NAPEPLD: variants seen among roughly 807,000 people sequenced by gnomAD.
NAPEPLD encodes the protein N-acyl phosphatidylethanolamine phospholipase D, also known as N-acyl-phosphatidylethanolamine-hydrolyzing phospholipase D.
A neutral mutation model predicts 38.1 loss-of-function variants in NAPEPLD; 23 were observed. That is an observed-to-expected ratio of 0.60 (90% CI 0.43 to 0.86). NAPEPLD has a LOEUF of 0.86. Among genes scored for constraint, NAPEPLD ranks in the 40% least tolerant of loss-of-function variants. The probability of loss-of-function intolerance (pLI) is 0.00; values close to 1 mark genes in which losing one functional copy is unlikely to be tolerated. For synonymous variants in NAPEPLD, 147 were observed against 162.0 expected (o/e 0.91, Z 0.71); for missense variants, 411 against 476.8 (o/e 0.86, Z 1.28).
At chr7:103,116,961 C>T (rs770693933) in intron 3 of NAPEPLD, among the ~76,000 whole-genome samples, 4 of 152,178 alleles carry the variant, frequency 2.6e-5, no homozygotes, top group Non-Finnish European at 4.4e-5. Flanking sequence ...AAACAGTAAA[C>T]AAAACCAACA....
At chr7:103,144,886 C>T (rs2129537331) in intron 1 of NAPEPLD, among the ~76,000 whole-genome samples, 1 of 152,220 alleles carries the variant, frequency 6.6e-6, no homozygotes, top group East Asian at 1.9e-4. Flanking sequence ...GTAGTGCATG[C>T]CTGTAGTCCC....
intron 1 of NAPEPLD, among the ~76,000 whole-genome samples, chr7:103,131,258 G>A (rs1219561289): frequency 1.3e-5 from 2 of 152,066 alleles, no homozygotes; most frequent in Admixed American, 6.6e-5. Flanking sequence ...ACAATGAAGG[G>A]ATAAGGGAGA....
At chr7:103,142,800 C>G (rs1297669372) in intron 1 of NAPEPLD, among the ~76,000 whole-genome samples, 3 of 152,214 alleles carry the variant, frequency 2.0e-5, no homozygotes, top group Non-Finnish European at 4.4e-5. Flanking sequence ...CTCCTAATCA[C>G]TCTTCATTAG....
At chr7:103,116,932 CT>C (rs1355797879) in intron 3 of NAPEPLD, among the ~76,000 whole-genome samples, 2 of 152,192 alleles carry the variant, frequency 1.3e-5, no homozygotes, top group Non-Finnish European at 2.9e-5. Flanking sequence ...ACATCATCTA[CT>C]TTCATAGAAT....
intron 4 of NAPEPLD, among the ~76,000 whole-genome samples, chr7:103,106,659 C>T (rs573370965): frequency 3.3e-5 from 5 of 152,004 alleles, no homozygotes; most frequent in African/African-American, 1.2e-4. Flanking sequence ...GCAGAGCCCA[C>T]TGCAGCTCAG....
At chr7:103,117,990 C>A (rs1805893498) in intron 3 of NAPEPLD, among the ~76,000 whole-genome samples, 1 of 152,184 alleles carries the variant, frequency 6.6e-6, no homozygotes, top group Non-Finnish European at 1.5e-5. Flanking sequence ...CAAAACCAGT[C>A]TAGCCAACAT....
intron 4 of NAPEPLD, among the ~76,000 whole-genome samples, chr7:103,110,597 T>A (rs546424041): frequency 6.6e-6 from 1 of 152,278 alleles, no homozygotes; most frequent in East Asian, 1.9e-4. Context: ...TAAGAGCTAT[T>A]TATGACAAAC....
chr7:103,113,342 A>AT (rs1205089072), intron 4 of NAPEPLD, among the ~76,000 whole-genome samples: 1 of 152,184 alleles, frequency 6.6e-6, no homozygotes, highest in Admixed American at 6.5e-5. Flanking sequence ...GAATTGCTGC[A>AT]TTGTGGCTCA....
intron 2 of NAPEPLD, among the ~76,000 whole-genome samples, chr7:103,126,608 G>T (rs980679641): frequency 3.7e-5 from 5 of 135,934 alleles, no homozygotes; most frequent in African/African-American, 5.3e-5. Context: ...AATTTTTTTT[G>T]TTTTGTTTTG....
chr7:103,149,468 C>G (rs1345398667), upstream of NAPEPLD: 1 of 1,265,252 alleles, frequency 7.9e-7, no homozygotes, highest in Non-Finnish European at 1.0e-6. Context: ...CTTCAGCTCT[C>G]GCCGCCTCGC....
At chr7:103,125,479 T>C (rs1240133940) in intron 2 of NAPEPLD, among the ~76,000 whole-genome samples, 1 of 152,214 alleles carries the variant, frequency 6.6e-6, no homozygotes, top group Non-Finnish European at 1.5e-5. Context: ...TAGTTCTATT[T>C]TATGAATGGT....
Position 103,101,541 on chromosome 7 carries a change from A to C in NAPEPLD, c.*1888T>G, listed in dbSNP as rs1265791494. The stretch of plus-strand genomic sequence containing the variant: ...AGCATTAACCTGTATTTAGCTTTCA[A>C]ATATACCTGTCTATATTAGGCAGTG... On this transcript the variant is annotated 3_prime_UTR_variant, in exon 5 of 5. Coordinates refer to ENST00000465647, the MANE Select transcript of NAPEPLD (RefSeq NM_001122838.3). 6.6e-6 allele frequency: 1 copy of C among 152,650 alleles called. No individual in the cohort carries two copies. The highest frequency in any genetic ancestry group is 1.9e-4 in the East Asian group (1 of 5,198). 9.5% of individuals were successfully genotyped at this position (152,650 alleles called of 1,614,324 possible).
At chr7:103,130,996 A>C (rs140157557) in intron 1 of NAPEPLD, among the ~76,000 whole-genome samples, 206 of 152,300 alleles carry the variant, frequency 1.4e-3, no homozygotes, top group African/African-American at 4.5e-3. Context: ...AGCAGAAACA[A>C]TGACCATCCA....
intron 1 of NAPEPLD, among the ~76,000 whole-genome samples, chr7:103,139,650 C>G (rs886801928): frequency 6.6e-6 from 1 of 152,150 alleles, no homozygotes; most frequent in Admixed American, 6.5e-5. Context: ...TTACTTGAAC[C>G]CTGATTCACT....
chr7:103,148,126 T>A, intron 1 of NAPEPLD: 1 of 982,706 alleles, frequency 1.0e-6, no homozygotes, highest in Non-Finnish European at 1.2e-6. Context: ...AATGGAAATG[T>A]TAGAGATTTC....
At position 103,120,005 on chromosome 7, in the gene NAPEPLD, T is replaced by C. The variant is rs1361149550; in HGVS notation, c.513A>G (p.Thr171=). The C allele has an allele frequency of 3.1e-6, 5 of 1,614,206 alleles. No individual in the cohort carries two copies. In the South Asian group the frequency reaches 5.5e-5, roughly 18 times the overall value. Residue 171 remains threonine, a synonymous_variant, in exon 3 of 5, where the codon ACA becomes ACG. Transcript: ENST00000465647. ...GPKRFRRSPC[T]ISELPPIDAV... The stretch of plus-strand genomic sequence containing the variant: ...CATCTATTGGAGGGAGTTCACTTAT[T>C]GTGCACGGGGAACGACGAAATCGCT...
chr7:103,116,464 T>A (rs1361575869), intron 3 of NAPEPLD, among the ~76,000 whole-genome samples: 1 of 152,200 alleles, frequency 6.6e-6, no homozygotes, highest in Non-Finnish European at 1.5e-5. Flanking sequence ...TCAAAGAAAC[T>A]GAATAATTGG....
chr7:103,126,630 A>G (rs1807850219), intron 2 of NAPEPLD, among the ~76,000 whole-genome samples: 1 of 151,900 alleles, frequency 6.6e-6, no homozygotes, highest in Non-Finnish European at 1.5e-5. Flanking sequence ...TTTTTGAGAC[A>G]GGGTCTTGCT....
chr7:103,123,005 G>T (rs1259646888), intron 2 of NAPEPLD, among the ~76,000 whole-genome samples: 1 of 152,152 alleles, frequency 6.6e-6, no homozygotes, highest in African/African-American at 2.4e-5. Flanking sequence ...AATTCTCTCG[G>T]GCGTTTCATG....
Sources: allele counts gnomAD v4.1 joint callset (sites outside exome capture counted in the v4.1 genomes callset), GRCh38; gene constraint gnomAD v4.1.1; transcripts MANE v1.5; gene names NCBI Gene and HGNC (gene_info 2026-07-23, HGNC 2026-07-21).